Variants in TMEM214 observed in about 807,000 individuals in gnomAD.
The protein encoded by TMEM214 is transmembrane protein 214.
TMEM214 carries 71 observed loss-of-function variants against 89.8 expected under a neutral mutation model. That is an observed-to-expected ratio of 0.79 (90% CI 0.65 to 0.96). TMEM214 has a LOEUF of 0.96. Ranked by LOEUF, TMEM214 falls within the 40% of genes least tolerant of loss-of-function variation. TMEM214 has a pLI of 0.00. For synonymous variants in TMEM214, 332 were observed against 349.5 expected (o/e 0.95, Z 0.56); for missense variants, 754 against 843.4 (o/e 0.89, Z 1.31).
chr2:27,035,193 A>T lies in TMEM214; in HGVS notation c.410A>T (p.Asn137Ile), dbSNP rs1360014931. The change falls in exon 3 of 17, where the codon AAC (asparagine) becomes ATC (isoleucine). Residue 137 changes from asparagine (N) to isoleucine (I), a missense_variant. Transcript: ENST00000238788. ...AAGAGCCAGAGTGTGTTCTCTGGAA[A>T]CCCATCCATATGGTTGAAGGACCTG... The part of the protein sequence containing the change: ...LDKSQSVFSG[N>I]PSIWLKDLAS... 1 of 1,614,012 alleles carries T rather than the reference A, an allele frequency of 6.2e-7. No homozygotes were observed. Among genetic ancestry groups the T allele is most frequent in the Non-Finnish European group, 8.5e-7 (1 of 1,180,028 alleles).
Position 27,032,979 on chromosome 2 carries a change from A to T in TMEM214, c.-37A>T, listed in dbSNP as rs1047629137. The T allele has an allele frequency of 1.0e-5, 13 of 1,243,986 alleles. No homozygotes were observed. Among genetic ancestry groups the T allele is most frequent in the African/African-American group, 1.6e-5 (1 of 64,340 alleles). 77.1% of individuals were successfully genotyped at this position (1,243,986 alleles called of 1,614,324 possible). A position where few individuals can be genotyped will look rare whatever the true frequency, so the allele number is the denominator to read the frequency against. The stretch of plus-strand genomic sequence containing the variant: ...GCGGCGCGCTCGCGCCGGACCGGAA[A>T]GCCGGGGAAGTGGCCGAGGAGGGAG... On this transcript the variant is annotated 5_prime_UTR_variant, in exon 1 of 17. In the 5' UTR this introduces an upstream ATG that the reference lacks. Coordinates refer to ENST00000238788, the MANE Select transcript of TMEM214 (RefSeq NM_017727.5).
In TMEM214 at chr2:27,038,068, A is replaced by G. The variant is rs767056078; in HGVS notation, c.1153-78A>G. 1.9e-6 allele frequency: 3 copies of G among 1,612,374 alleles called. No individual in the cohort carries two copies. The South Asian group carries it at 3.3e-5, about 18-fold the overall frequency. On this transcript the variant is annotated intron_variant, in intron 9 of 16. Transcript: ENST00000238788. This position sits in a 1 kb window ranked among gnomAD's most constrained non-coding sequence, Gnocchi z 4.4. The stretch of plus-strand genomic sequence containing the variant: ...GGCCTGGATGGCCTTGCTTACGGGA[A>G]GGGGATCACCTCTTAGCACTCCCCG...
Position 27,033,056 on chromosome 2 carries a change from TGAA to T in TMEM214, c.46_48del (p.Lys16del), listed in dbSNP as rs1176377413. The T allele has an allele frequency of 8.0e-7, 1 of 1,246,682 alleles. No homozygotes were observed. Among genetic ancestry groups the T allele is most frequent in the Non-Finnish European group, 1.0e-6 (1 of 987,774 alleles). 77.2% of individuals were successfully genotyped at this position (1,246,682 alleles called of 1,614,324 possible). ...GCGGGCGTGGGGCGGTGGGAGGTAG[TGAA>T]GAAGGGTCGGCGGCCTGGGGTCGGC... On this transcript the variant is annotated inframe_deletion, in exon 1 of 17. Transcript: ENST00000238788.
rs1251733847 is a variant in TMEM214, at chr2:27,035,184, T to A, written c.401T>A (p.Phe134Tyr). 1 of 1,613,984 alleles carries A rather than the reference T, an allele frequency of 6.2e-7. No homozygotes were observed. The highest frequency in any genetic ancestry group is 8.5e-7 in the Non-Finnish European group (1 of 1,180,028). Residue 134 changes from phenylalanine (F) to tyrosine (Y), a missense_variant, in exon 3 of 17, where the codon TTC becomes TAC. Transcript: ENST00000238788. ...GAACTGGACAAGAGCCAGAGTGTGT[T>A]CTCTGGAAACCCATCCATATGGTTG... ...QKELDKSQSV[F>Y]SGNPSIWLKD...
chr2:27,038,999 G>A lies in TMEM214; in HGVS notation c.1408-48G>A. The A allele has an allele frequency of 6.3e-7, 1 of 1,596,050 alleles. No individual in the cohort carries two copies. Among genetic ancestry groups the A allele is most frequent in the South Asian group, 1.1e-5 (1 of 90,762 alleles). On this transcript the variant is annotated intron_variant, in intron 12 of 16. Transcript: ENST00000238788. This position sits in a 1 kb window ranked among gnomAD's most constrained non-coding sequence, Gnocchi z 4.4. ...CTTGAGGTCTGCCCTCAGAGGCAAA[G>A]ACCAGCCCCTCGCTTCTGACAACTG...
In TMEM214 at chr2:27,036,719, ATGCTGCCTG is replaced by A. The variant is rs777132636; in HGVS notation, c.847_855del (p.Pro283_Leu285del). 5 of 1,614,190 alleles carry A rather than the reference ATGCTGCCTG, an allele frequency of 3.1e-6. No individual in the cohort carries two copies. Among genetic ancestry groups the A allele is most frequent in the Non-Finnish European group, 4.2e-6 (5 of 1,180,034 alleles). ...TACCCCTGCAGTGTGGCTGGGGATC[ATGCTGCCTG>A]TGCTGGGCATCAAGTCTCTGTCTCC... On this transcript the variant is annotated inframe_deletion, in exon 7 of 17. Coordinates refer to ENST00000238788, the MANE Select transcript of TMEM214 (RefSeq NM_017727.5).
intron 3 of TMEM214, 127 bp from the exon 4 acceptor site, chr2:27,035,467 G>C: frequency 6.9e-7 from 1 of 1,459,440 alleles, no homozygotes; most frequent in Non-Finnish European, 9.3e-7. Flanking sequence ...GGCCTCCTCA[G>C]AGGAAGGATC....
In TMEM214 at chr2:27,038,399, C is replaced by G; in HGVS notation, c.1245-85C>G. ...GGTGGTAGGTGGAGGGTCTTTCAGC[C>G]TGAAGGAGCCAGGGCTAATGGAGGA... On this transcript the variant is annotated intron_variant, in intron 10 of 16. Transcript: ENST00000238788. This position sits in a 1 kb window ranked among gnomAD's most constrained non-coding sequence, Gnocchi z 4.4. 6.3e-7 allele frequency: 1 copy of G among 1,584,902 alleles called. No individual in the cohort carries two copies. The highest frequency in any genetic ancestry group is 8.7e-7 in the Non-Finnish European group (1 of 1,155,322).
At position 27,039,843 on chromosome 2, in the gene TMEM214, C is replaced by T. The variant is rs531364366; in HGVS notation, c.1622+6C>T. 6 of 1,614,040 alleles carry T rather than the reference C, an allele frequency of 3.7e-6. No homozygotes were observed. Among genetic ancestry groups the T allele is most frequent in the South Asian group, 1.1e-5 (1 of 91,080 alleles). On this transcript the variant is annotated splice_donor_region_variant and intron_variant, in intron 14 of 16. Transcript: ENST00000238788. ...TACAGTCTGCAAGGCTACAGGTGAG[C>T]TCCTCCCAGGGAGGGGAGAGGAGAG...
Position 27,040,911 on chromosome 2 carries a change from C to T in TMEM214, c.*74C>T. ...CTGCAGCGGGTAGAAGGTGGCAGTT[C>T]TTCATGGGAGTCTTTTTAACTTGGT... On this transcript the variant is annotated 3_prime_UTR_variant, in exon 17 of 17. Transcript: ENST00000238788. 6.4e-7 allele frequency: 1 copy of T among 1,566,320 alleles called. No homozygotes were observed. The highest frequency in any genetic ancestry group is 8.7e-7 in the Non-Finnish European group (1 of 1,147,838).
At position 27,035,613 on chromosome 2, in the gene TMEM214, G is replaced by A. The variant is rs1273950780; in HGVS notation, c.522G>A (p.Val174=). Residue 174 remains valine, a synonymous_variant, in exon 4 of 17, where the codon GTG becomes GTA. Coordinates refer to ENST00000238788, the MANE Select transcript of TMEM214 (RefSeq NM_017727.5). ...QHTHDYPYSL[V]SRELRGIIRG... is the part of the protein sequence containing the mutation. The stretch of plus-strand genomic sequence containing the variant: ...CCTTAGATTATCCCTACAGCCTGGT[G>A]AGCCGGGAGCTACGTGGGATCATCC... The A allele has an allele frequency of 5.0e-6, 8 of 1,614,214 alleles. No individual in the cohort carries two copies. The highest frequency in any genetic ancestry group is 5.9e-6 in the Non-Finnish European group (7 of 1,180,034).
chr2:27,035,092 C>A (rs768981413), intron 2 of TMEM214, 43 bp from the exon 3 acceptor site: 4 of 1,609,308 alleles, frequency 2.5e-6, no homozygotes, highest in Non-Finnish European at 3.4e-6. Flanking sequence ...CTCCCTCACT[C>A]ACAACTCGCC....
Position 27,041,456 on chromosome 2 carries a change from C to G in TMEM214, c.*619C>G, listed in dbSNP as rs549845565. The G allele has an allele frequency of 6.5e-6, 1 of 154,620 alleles. No homozygotes were observed. The highest frequency in any genetic ancestry group is 1.5e-5 in the Non-Finnish European group (1 of 68,636). 9.6% of individuals were successfully genotyped at this position (154,620 alleles called of 1,614,324 possible). A position where few individuals can be genotyped will look rare whatever the true frequency, so the allele number is the denominator to read the frequency against. On this transcript the variant is annotated 3_prime_UTR_variant, in exon 17 of 17. Transcript: ENST00000238788. Reference sequence around the variant, plus strand: ...GCCCCAAATGCCTCTAAGCCCCTCCCTGTCCCCTCCCTTGTAGTCCTACTT... The same window carrying G: ...GCCCCAAATGCCTCTAAGCCCCTCCGTGTCCCCTCCCTTGTAGTCCTACTT...
intron 14 of TMEM214, 48 bp downstream of exon 14, chr2:27,039,885 C>T (rs1667753286): frequency 1.3e-6 from 2 of 1,504,052 alleles, no homozygotes; most frequent in African/African-American, 2.1e-5. Context: ...GAGAGAAGGC[C>T]TGGGTGTCAG....
chr2:27,040,488 GGCAT>G lies in TMEM214; in HGVS notation c.1939_1942del (p.Cys647GlufsTer4). 1 of 1,613,678 alleles carries G rather than the reference GGCAT, an allele frequency of 6.2e-7. No homozygotes were observed. The highest frequency in any genetic ancestry group is 8.5e-7 in the Non-Finnish European group (1 of 1,180,022). On this transcript the variant is annotated frameshift_variant, in exon 16 of 17. Transcript: ENST00000238788. LOFTEE classifies it high-confidence loss of function. ...CCTGGGCCCAGGAGCACTGCCATGA[GGCAT>G]GCAGGTGAGACCTTTGCCCAGGGCT...
At position 27,033,076 on chromosome 2, in the gene TMEM214, G is replaced by C. The variant is rs1012510088; in HGVS notation, c.61G>C (p.Gly21Arg). The C allele has an allele frequency of 7.2e-6, 9 of 1,247,734 alleles. No individual in the cohort carries two copies. In the African/African-American group the frequency reaches 1.4e-4, roughly 19 times the overall value. The allele number at this position is 1,247,734 out of a possible 1,614,324, so 77.3% of individuals were successfully genotyped here. The change falls in exon 1 of 17, where the codon GGG becomes CGG. Residue 21 changes from glycine to arginine, a missense_variant. Physicochemically the swap from Gly to Arg is moderately radical, Grantham distance 125. Transcript: ENST00000238788. ...GGTAGTGAAGAAGGGTCGGCGGCCT[G>C]GGGTCGGCGCCGGCGCCGGCGGCCG... ...WEVVKKGRRP[G>R]VGAGAGGRGG...
chr2:27,040,564 C>A (rs895323034), intron 16 of TMEM214, 68 bp downstream of exon 16: 14 of 1,591,428 alleles, frequency 8.8e-6, no homozygotes, highest in Non-Finnish European at 1.2e-5. Context: ...AGGGACAAGC[C>A]ATCTCTATCC....
At chr2:27,035,791 T>A in intron 4 of TMEM214, 63 bp downstream of exon 4, 1 of 1,608,064 alleles carries the variant, frequency 6.2e-7, no homozygotes. Context: ...CTGCTTCCAG[T>A]ACCACTCAGT....
At position 27,040,909 on chromosome 2, in the gene TMEM214, T is replaced by C. The variant is rs146621629; in HGVS notation, c.*72T>C. The C allele has an allele frequency of 2.0e-4, 310 of 1,575,000 alleles. No individual in the cohort carries two copies. In the African/African-American group the frequency reaches 3.5e-3, roughly 18 times the overall value. ...GACTGCAGCGGGTAGAAGGTGGCAG[T>C]TCTTCATGGGAGTCTTTTTAACTTG... On this transcript the variant is annotated 3_prime_UTR_variant, in exon 17 of 17. Coordinates refer to ENST00000238788, the MANE Select transcript of TMEM214 (RefSeq NM_017727.5).
Sources: allele counts gnomAD v4.1 joint callset, GRCh38; gene constraint gnomAD v4.1.1; non-coding constraint Gnocchi (gnomAD v3.1); transcripts MANE v1.5; gene names NCBI Gene and HGNC (gene_info 2026-07-23, HGNC 2026-07-21).